Variants in TMEM175 observed in about 807,000 individuals in gnomAD.
TMEM175 encodes transmembrane protein 175.
A neutral mutation model predicts 36.5 loss-of-function variants in TMEM175; 36 were observed. The observed-to-expected ratio is 0.99, with a 90% confidence interval of 0.76 to 1.30. TMEM175 has a LOEUF of 1.30. TMEM175 is among the 50% of genes most tolerant of loss of function. TMEM175 has a pLI of 0.00. For synonymous variants in TMEM175, 339 were observed against 313.4 expected, an observed-to-expected ratio of 1.08 and a Z score of -0.86; for missense variants, 705 against 692.8, an observed-to-expected ratio of 1.02 and a Z score of -0.20.
At chr4:956,252 CCT>C in intron 10 of TMEM175, 2 of 1,219,728 alleles carry the variant, frequency 1.6e-6, no homozygotes, top group Non-Finnish European at 1.1e-6. Flanking sequence ...AACACCAGCC[CCT>C]CCTAGTCCCT....
chr4:948,110 C>T lies in TMEM175; in HGVS notation c.154-6C>T. 1.9e-6 allele frequency: 3 copies of T among 1,614,156 alleles called. No individual in the cohort carries two copies. The highest frequency in any genetic ancestry group is 2.2e-5 in the East Asian group (1 of 44,878). ...CCTGCTTCCTTCTGTCTCTTTGCCCCCTCAGATCCTGCCTGTGACCCACAC... is the reference window on the plus strand; with the variant it reads ...CCTGCTTCCTTCTGTCTCTTTGCCCTCTCAGATCCTGCCTGTGACCCACAC... On this transcript the variant is annotated splice_polypyrimidine_tract_variant and splice_region_variant and intron_variant, in intron 2 of 10. Coordinates refer to ENST00000264771, the MANE Select transcript of TMEM175 (RefSeq NM_032326.4).
chr4:935,165 C>T (rs1224458669), intron 1 of TMEM175, among the ~76,000 whole-genome samples: 4 of 152,166 alleles, frequency 2.6e-5, no homozygotes, highest in Non-Finnish European at 5.9e-5. Context: ...ATTTCTAAAC[C>T]TTGTAATCAC....
chr4:948,522 G>C (rs986688897), intron 3 of TMEM175: 2 of 1,387,994 alleles, frequency 1.4e-6, no homozygotes, highest in African/African-American at 2.9e-5. Flanking sequence ...TGCCCCAGCA[G>C]GCAGGCCCCT....
At chr4:942,509 A>G (rs1017074002) in intron 1 of TMEM175, among the ~76,000 whole-genome samples, 3 of 152,038 alleles carry the variant, frequency 2.0e-5, no homozygotes, top group African/African-American at 7.3e-5. Flanking sequence ...ACTATATTCC[A>G]TTGGTCTGTG....
At position 947,815 on chromosome 4, in the gene TMEM175, G is replaced by T. The variant is rs150597099; in HGVS notation, c.76G>T (p.Ala26Ser). Residue 26 changes from alanine to serine, a missense_variant, in exon 2 of 11, where the codon GCT becomes TCT. Coordinates refer to ENST00000264771, the MANE Select transcript of TMEM175 (RefSeq NM_032326.4). The stretch of plus-strand genomic sequence containing the variant: ...CCCCCCAGGCAGGAGAGACGAGGAC[G>T]CTGGGGAGGGGATCCAGTGCTCCCA... ...DCPPGRRDED[A>S]GEGIQCSQRM... 3 of 1,613,252 alleles carry T rather than the reference G, an allele frequency of 1.9e-6. No homozygotes were observed.
intron 1 of TMEM175, among the ~76,000 whole-genome samples, chr4:943,209 T>C (rs1162442873): frequency 6.6e-6 from 1 of 152,134 alleles, no homozygotes; most frequent in Non-Finnish European, 1.5e-5. Flanking sequence ...CCTACACGAG[T>C]ACTAGAATGA....
Position 948,037 on chromosome 4 carries a change from C to T in TMEM175, c.154-79C>T, listed in dbSNP as rs549683075. ...GCTTAGGGGGGCCCAGCACTGCCCT[C>T]GAGTCCCCAGTACTGCCACACCCAA... On this transcript the variant is annotated intron_variant, in intron 2 of 10. Transcript: ENST00000264771. The T allele has an allele frequency of 1.4e-5, 23 of 1,612,350 alleles. No homozygotes were observed. In the Admixed American group the frequency reaches 2.7e-4, roughly 19 times the overall value.
In TMEM175 at chr4:953,346, G is replaced by T; in HGVS notation, c.619G>T (p.Val207Phe). The change falls in exon 8 of 11, where the codon GTC becomes TTC. Residue 207 changes from valine to phenylalanine, a missense_variant. Transcript: ENST00000264771. ...AGCGGCCATCTTCTCTCTCTTCTTT[G>T]TCCCCTTGGTGAGTGCTGGGACAGC... ...FAAAIFSLFF[V>F]PLSYLLMVTV... 6.2e-7 allele frequency: 1 copy of T among 1,611,582 alleles called. No homozygotes were observed. Among genetic ancestry groups the T allele is most frequent in the Admixed American group, 1.7e-5 (1 of 59,790 alleles).
At chr4:939,763 A>G (rs1275646014) in intron 1 of TMEM175, among the ~76,000 whole-genome samples, 2 of 152,206 alleles carry the variant, frequency 1.3e-5, no homozygotes, top group Non-Finnish European at 2.9e-5. Flanking sequence ...ATTATGTATA[A>G]AAGTTAACTC....
At position 951,234 on chromosome 4, in the gene TMEM175, C is replaced by G. The variant is rs769309961; in HGVS notation, c.318C>G (p.Asp106Glu). 1 of 1,614,064 alleles carries G rather than the reference C, an allele frequency of 6.2e-7. No homozygotes were observed. The highest frequency in any genetic ancestry group is 8.5e-7 in the Non-Finnish European group (1 of 1,179,978). Residue 106 changes from aspartate to glutamate, a missense_variant, in exon 5 of 11, where the codon GAC (aspartate) becomes GAG (glutamate). Transcript: ENST00000264771. ...TGTTCCAAGTTGTTGGGAAAACAGA[C>G]GACACACTTGCCCTGCTCAACCTGG... ...TRLFQVVGKT[D>E]DTLALLNLAC...
At chr4:956,575 T>A in intron 10 of TMEM175, 1 of 850,684 alleles carries the variant, frequency 1.2e-6, no homozygotes, top group Non-Finnish European at 1.6e-6. Flanking sequence ...CCCAAGTAGT[T>A]GGGATTACAA....
intron 3 of TMEM175, among the ~76,000 whole-genome samples, chr4:948,837 C>G (rs1728515038): frequency 1.3e-5 from 2 of 152,228 alleles, no homozygotes; most frequent in Admixed American, 1.3e-4. Flanking sequence ...GGTTGGGCCT[C>G]CAGTCCTGAC....
At chr4:942,760 C>T (rs577917563) in intron 1 of TMEM175, among the ~76,000 whole-genome samples, 4 of 152,060 alleles carry the variant, frequency 2.6e-5, no homozygotes, top group Non-Finnish European at 4.4e-5. Context: ...TTGCTTCAGC[C>T]TCCTGAGTAG....
chr4:949,941 T>G (rs1396909740), intron 3 of TMEM175, among the ~76,000 whole-genome samples: 1 of 152,094 alleles, frequency 6.6e-6, no homozygotes, highest in African/African-American at 2.4e-5. Flanking sequence ...AGCCTTTCGG[T>G]GGTGACCCGG....
chr4:946,889 C>CG (rs1280804181), intron 1 of TMEM175, among the ~76,000 whole-genome samples: 1 of 145,938 alleles, frequency 6.9e-6, no homozygotes, highest in Non-Finnish European at 1.5e-5. Flanking sequence ...AGGGAGAGCG[C>CG]GGCCCCGTAG....
At chr4:952,590 TG>T (rs1276078567) in intron 7 of TMEM175, 140 bp downstream of exon 7, 26 of 696,278 alleles carry the variant, frequency 3.7e-5, no homozygotes, top group Non-Finnish European at 5.5e-5. Context: ...TGTGTGTGTG[TG>T]TTCACCATCA....
Position 951,824 on chromosome 4 carries a change from G to C in TMEM175, c.378+107G>C, listed in dbSNP as rs948050008. 5 of 1,234,818 alleles carry C rather than the reference G, an allele frequency of 4.0e-6. No individual in the cohort carries two copies. In the South Asian group the frequency reaches 6.1e-5, roughly 15 times the overall value. 76.5% of individuals were successfully genotyped at this position (1,234,818 alleles called of 1,614,324 possible). Reference sequence around the variant, plus strand: ...GGATGGCCCAGGGCCCAGGCCACACGGTTGTAGAGAAGAGAGAAGGTTCTG... The same window carrying C: ...GGATGGCCCAGGGCCCAGGCCACACCGTTGTAGAGAAGAGAGAAGGTTCTG... On this transcript the variant is annotated intron_variant, in intron 6 of 10. Coordinates refer to ENST00000264771, the MANE Select transcript of TMEM175 (RefSeq NM_032326.4).
intron 8 of TMEM175, among the ~76,000 whole-genome samples, chr4:953,580 G>A (rs974514001): frequency 2.0e-5 from 3 of 152,248 alleles, no homozygotes; most frequent in African/African-American, 4.8e-5. Flanking sequence ...AGAGACGGAC[G>A]CTCATCGAAG....
chr4:948,262 G>C (rs1378043547), intron 3 of TMEM175, 108 bp downstream of exon 3: 2 of 1,605,678 alleles, frequency 1.2e-6, no homozygotes, highest in Admixed American at 3.4e-5. Context: ...AAGCTTCTGA[G>C]GCTTAGGAGG....
Sources: allele counts gnomAD v4.1 joint callset (sites outside exome capture counted in the v4.1 genomes callset), GRCh38; gene constraint gnomAD v4.1.1; transcripts MANE v1.5; gene names NCBI Gene and HGNC (gene_info 2026-07-23, HGNC 2026-07-21).